Variants in FRMD1 observed in about 807,000 individuals in gnomAD.
The protein encoded by FRMD1 is FERM domain-containing protein 1.
FRMD1 carries 51 observed loss-of-function variants against 54.9 expected under a neutral mutation model. That is an observed-to-expected ratio of 0.93 (90% CI 0.74 to 1.17). The LOEUF is 1.17. Among genes scored for constraint, FRMD1 ranks in the 50% most tolerant of loss-of-function variants. The probability of loss-of-function intolerance (pLI) is 0.00; values close to 1 mark genes in which losing one functional copy is unlikely to be tolerated. For synonymous variants in FRMD1, 324 were observed against 306.4 expected (o/e 1.06, Z -0.60); for missense variants, 729 against 743.0 (o/e 0.98, Z 0.22).
upstream of FRMD1, among the ~76,000 whole-genome samples, chr6:168,084,330 C>T (rs748481662): frequency 2.6e-5 from 4 of 152,198 alleles, no homozygotes; most frequent in East Asian, 1.9e-4. Context: ...CTTAGCACTG[C>T]GCGTGTCGGA....
chr6:168,063,932 T>C (rs564003632), intron 5 of FRMD1, among the ~76,000 whole-genome samples, 176 bp from the exon 6 acceptor site: 4 of 152,310 alleles, frequency 2.6e-5, no homozygotes, highest in Non-Finnish European at 5.9e-5. Context: ...GTGCCCACTG[T>C]GGCCCTGGGC....
chr6:168,072,623 A>G (rs1800366513), intron 2 of FRMD1, among the ~76,000 whole-genome samples: 1 of 152,198 alleles, frequency 6.6e-6, no homozygotes, highest in Non-Finnish European at 1.5e-5. Flanking sequence ...GGTGATGAAC[A>G]TGATGCACAA....
chr6:168,089,064 C>A (rs1054238742), intron 1 of FRMD1, among the ~76,000 whole-genome samples: 1 of 152,246 alleles, frequency 6.6e-6, no homozygotes, highest in Admixed American at 6.5e-5. Context: ...TAACTTCATC[C>A]CAGGGCTGGC....
chr6:168,089,155 G>A (rs1005427232), intron 1 of FRMD1, among the ~76,000 whole-genome samples: 14 of 152,368 alleles, frequency 9.2e-5, no homozygotes, highest in African/African-American at 3.1e-4. Context: ...CTGACACCGG[G>A]CACAGGTTCA....
intron 1 of FRMD1, among the ~76,000 whole-genome samples, chr6:168,086,853 CT>C (rs1215268245): frequency 1.3e-5 from 2 of 152,268 alleles, no homozygotes; most frequent in Admixed American, 6.5e-5. Flanking sequence ...CCGTTCTGCT[CT>C]GGTTTGTGCC....
At chr6:168,061,730 C>G (rs1293488283) in intron 8 of FRMD1, 77 bp downstream of exon 8, 6 of 1,409,694 alleles carry the variant, frequency 4.3e-6, no homozygotes, top group Middle Eastern at 2.5e-4. Flanking sequence ...CATAGTCCGG[C>G]CAGAGCCCAG....
chr6:168,068,381 G>A (rs975338527), intron 2 of FRMD1, among the ~76,000 whole-genome samples: 1 of 152,146 alleles, frequency 6.6e-6, no homozygotes, highest in South Asian at 2.1e-4. Context: ...TTAAAGCAAC[G>A]TACAATCCCT....
At position 168,056,834 on chromosome 6, in the gene FRMD1, G is replaced by T; in HGVS notation, c.*263C>A. ...TGGCTCTCTGGACACTTGACAGCCAGACCTTGAACTGGCTCCCTGAGACCC... is the reference window on the plus strand; with the variant it reads ...TGGCTCTCTGGACACTTGACAGCCATACCTTGAACTGGCTCCCTGAGACCC... On this transcript the variant is annotated 3_prime_UTR_variant, in exon 11 of 11. Coordinates refer to ENST00000283309, the MANE Select transcript of FRMD1 (RefSeq NM_024919.6). 3.0e-6 allele frequency: 1 copy of T among 338,276 alleles called. No homozygotes were observed. The highest frequency in any genetic ancestry group is 5.3e-6 in the Non-Finnish European group (1 of 187,432). 21.0% of individuals were successfully genotyped at this position (338,276 alleles called of 1,614,324 possible). A position where few individuals can be genotyped will look rare whatever the true frequency, so the allele number is the denominator to read the frequency against.
intron 2 of FRMD1, among the ~76,000 whole-genome samples, chr6:168,070,961 C>T (rs1365972424): frequency 1.3e-5 from 2 of 152,232 alleles, no homozygotes; most frequent in Admixed American, 6.5e-5. Flanking sequence ...GAGAGTCATC[C>T]TCTCAGCTCG....
In FRMD1 at chr6:168,060,996, C is replaced by G. The variant is rs1799698257; in HGVS notation, c.1107G>C (p.Arg369Ser). 1.2e-6 allele frequency: 2 copies of G among 1,613,034 alleles called. No individual in the cohort carries two copies. Among genetic ancestry groups the G allele is most frequent in the Admixed American group, 1.7e-5 (1 of 59,988 alleles). Residue 369 changes from arginine to serine, a missense_variant, in exon 9 of 11, where the codon AGG (arginine) becomes AGC (serine). Physicochemically the swap from Arg to Ser is moderately radical, Grantham distance 110. Transcript: ENST00000283309. ...TGCTGACCCCACTGCCCGGGAAGCT[C>G]CTGCTGGCCAGGTCCAGCTCCAGCT... ...SDELELDLAS[R>S]SFPGSGVSSQ...
intron 5 of FRMD1, 42 bp from the exon 6 acceptor site, chr6:168,063,798 C>T (rs1583177884): frequency 1.3e-6 from 2 of 1,561,272 alleles, no homozygotes; most frequent in Middle Eastern, 1.7e-4. Flanking sequence ...CCCTGCTGGT[C>T]CCCCCTTCCT....
Position 168,078,881 on chromosome 6 carries a change from C to T in FRMD1, c.213+1G>A. The T allele has an allele frequency of 6.3e-7, 1 of 1,581,622 alleles. No homozygotes were observed. Among genetic ancestry groups the T allele is most frequent in the Non-Finnish European group, 8.6e-7 (1 of 1,167,346 alleles). On this transcript the variant is annotated splice_donor_variant, in intron 1 of 10. Transcript: ENST00000283309. LOFTEE classifies it high-confidence loss of function. Reference sequence around the variant, plus strand: ...CCACGGCCACCCAGGGCCCTGCTCACCCCCACGGCCAGCCGCAGTTGCTCC... The same window carrying T: ...CCACGGCCACCCAGGGCCCTGCTCATCCCCACGGCCAGCCGCAGTTGCTCC...
chr6:168,057,377 CT>C (rs745972541), intron 10 of FRMD1, 38 bp from the exon 11 acceptor site: 3 of 1,595,774 alleles, frequency 1.9e-6, no homozygotes, highest in East Asian at 2.2e-5. Context: ...CTGCTGCCCC[CT>C]CTCACTCCCA....
chr6:168,092,355 C>A (rs557302511), intron 1 of FRMD1, among the ~76,000 whole-genome samples: 2 of 152,354 alleles, frequency 1.3e-5, no homozygotes, highest in Non-Finnish European at 2.9e-5. Context: ...CTGTGTCCCC[C>A]AAATTCACCA....
At chr6:168,063,972 C>T (rs980289754) in intron 5 of FRMD1, among the ~76,000 whole-genome samples, 3 of 152,214 alleles carry the variant, frequency 2.0e-5, no homozygotes, top group African/African-American at 4.8e-5. Flanking sequence ...CCCTCGGGTC[C>T]TCCCCAAGGG....
At position 168,072,664 on chromosome 6, in the gene FRMD1, C is replaced by T. The variant is rs575609817; in HGVS notation, c.304+2581G>A. ...GCGATGGGTCCTGGCCCGGGTTTTGCGGGCAGCCCCTGAATTCCCCCCAAT... is the reference window on the plus strand; with the variant it reads ...GCGATGGGTCCTGGCCCGGGTTTTGTGGGCAGCCCCTGAATTCCCCCCAAT... On this transcript the variant is annotated intron_variant, in intron 2 of 10. Transcript: ENST00000283309. Among the ~76,000 whole-genome samples, 4 of 152,192 alleles carry T rather than the reference C, an allele frequency of 2.6e-5. No individual in the cohort carries two copies. In the East Asian group the frequency reaches 5.8e-4, roughly 22 times the overall value.
intron 1 of FRMD1, among the ~76,000 whole-genome samples, chr6:168,089,935 G>A (rs1562436934): frequency 6.6e-6 from 1 of 152,170 alleles, no homozygotes; most frequent in Non-Finnish European, 1.5e-5. Context: ...GGGACGTGCT[G>A]CCCTCCTCGC....
upstream of FRMD1, among the ~76,000 whole-genome samples, chr6:168,082,247 C>T (rs1420986838): frequency 2.0e-5 from 3 of 152,262 alleles, no homozygotes; most frequent in African/African-American, 7.2e-5. Flanking sequence ...ACCGACTCGG[C>T]TGCGATGGCC....
chr6:168,082,184 A>G (rs1229182656), upstream of FRMD1, among the ~76,000 whole-genome samples: 1 of 152,170 alleles, frequency 6.6e-6, no homozygotes, highest in Non-Finnish European at 1.5e-5. Flanking sequence ...CTGCACAATC[A>G]GCAACACCGA....
Sources: gnomAD v4.1 joint callset for allele counts (sites outside exome capture counted in the v4.1 genomes callset) on GRCh38, gnomAD v4.1.1 for gene constraint, MANE v1.5 for transcripts, NCBI Gene and HGNC (gene_info 2026-07-23, HGNC 2026-07-21) for gene names.